Variants in MYO18B observed in about 807,000 individuals in gnomAD.
MYO18B encodes myosin XVIIIB.
Under a neutral mutation model 273.0 loss-of-function variants are expected in MYO18B, and 204 were observed. The ratio of observed to expected loss-of-function variants is 0.75; its 90% CI spans 0.67 to 0.84. MYO18B has a LOEUF of 0.84. MYO18B is among the 40% of genes least tolerant of loss of function. The pLI, the probability that MYO18B is intolerant of heterozygous loss-of-function variation, is 0.00. For missense variants in MYO18B, 3,212 were observed against 3,287.6 expected (o/e 0.98, Z 0.56); for synonymous variants, 1,330 against 1,305.7 (o/e 1.02, Z -0.40).
At chr22:26,003,068 A>G (rs1934108189) in intron 40 of MYO18B, among the ~76,000 whole-genome samples, 197 bp from the exon 41 acceptor site, 1 of 152,132 alleles carries the variant, frequency 6.6e-6, no homozygotes, top group African/African-American at 2.4e-5. Flanking sequence ...ACTCTGCTCC[A>G]CAACAGAGCC....
chr22:25,924,989 C>T (rs573763526), intron 34 of MYO18B, among the ~76,000 whole-genome samples: 1 of 152,192 alleles, frequency 6.6e-6, no homozygotes, highest in African/African-American at 2.4e-5. Flanking sequence ...TATTTTTAAC[C>T]CATTTTACTA....
At chr22:25,919,293 T>A (rs2092306955) in intron 33 of MYO18B, among the ~76,000 whole-genome samples, 1 of 152,210 alleles carries the variant, frequency 6.6e-6, no homozygotes, top group Non-Finnish European at 1.5e-5. Context: ...CTATCTAATG[T>A]TATATTTTAC....
intron 14 of MYO18B, 49 bp downstream of exon 14, chr22:25,826,548 A>T (rs781741153): frequency 2.0e-6 from 3 of 1,505,496 alleles, no homozygotes; most frequent in Non-Finnish European, 2.8e-6. Context: ...GCAGGTGCAC[A>T]GATGAATTCA....
At chr22:25,897,078 T>G (rs1032449192) in intron 28 of MYO18B, 1 of 152,252 alleles carries the variant, frequency 6.6e-6, no homozygotes, top group Non-Finnish European at 1.5e-5. Flanking sequence ...CAACTATTCT[T>G]AAGATCTTAG....
chr22:26,045,360 C>T, the MYO18B span, among the ~76,000 whole-genome samples: 1 of 143,836 alleles, frequency 7.0e-6, no homozygotes, highest in African/African-American at 2.6e-5. Flanking sequence ...GTTAGGAGTA[C>T]AAGATGGTGA....
intron 16 of MYO18B, among the ~76,000 whole-genome samples, chr22:25,834,651 G>A (rs780584409): frequency 2.0e-5 from 3 of 152,146 alleles, no homozygotes; most frequent in Non-Finnish European, 2.9e-5. Context: ...CTCCTTATGG[G>A]CCCTCAGAGA....
the MYO18B span, among the ~76,000 whole-genome samples, chr22:26,055,124 C>T: frequency 6.6e-6 from 1 of 152,284 alleles, no homozygotes; most frequent in African/African-American, 2.4e-5. Flanking sequence ...TTATCTGCAG[C>T]TTCAACCAAA....
intron 11 of MYO18B, among the ~76,000 whole-genome samples, chr22:25,788,899 T>C (rs1398233660): frequency 6.6e-6 from 1 of 152,204 alleles, no homozygotes; most frequent in African/African-American, 2.4e-5. Flanking sequence ...CCTCATCTCC[T>C]TGGGCCTCGA....
the MYO18B span, among the ~76,000 whole-genome samples, chr22:26,058,891 T>C: frequency 1.3e-5 from 2 of 152,158 alleles, no homozygotes; most frequent in Non-Finnish European, 2.9e-5. Context: ...AATTCCTTTA[T>C]AGCAACACTA....
At chr22:25,888,236 G>A (rs2091558907) in intron 25 of MYO18B, among the ~76,000 whole-genome samples, 1 of 152,030 alleles carries the variant, frequency 6.6e-6, no homozygotes, top group Admixed American at 6.6e-5. Flanking sequence ...ATCCTGGTTT[G>A]GGGGTCTGAG....
At position 26,027,521 on chromosome 22, in the gene MYO18B, T is replaced by C; in HGVS notation, c.7547T>C (p.Val2516Ala). The stretch of plus-strand genomic sequence containing the variant: ...TCGTCCTCATCCTCCGGCTCCATCG[T>C]GTCCTTCAAAAGTGCTGACAGCATC... ...SDSSSSSGSI[V>A]SFKSADSIKS... Residue 2516 changes from valine to alanine, a missense_variant, in exon 43 of 44, where the codon GTG becomes GCG. Transcript: ENST00000335473. The surrounding 1 kb of genome is among the most constrained non-coding windows in gnomAD (Gnocchi z 4.1). 1 of 1,613,962 alleles carries C rather than the reference T, an allele frequency of 6.2e-7. No homozygotes were observed. The highest frequency in any genetic ancestry group is 8.5e-7 in the Non-Finnish European group (1 of 1,179,878).
intron 21 of MYO18B, among the ~76,000 whole-genome samples, chr22:25,856,559 T>G (rs2090580392): frequency 1.3e-5 from 2 of 151,608 alleles, no homozygotes. Context: ...GAGGTGAGAG[T>G]GGGGCACTCA....
At chr22:25,961,615 G>A (rs1024335987) in intron 39 of MYO18B, among the ~76,000 whole-genome samples, 5 of 152,264 alleles carry the variant, frequency 3.3e-5, no homozygotes, top group African/African-American at 1.2e-4. Flanking sequence ...TGTATATCCT[G>A]TTGTTTTTCA....
At chr22:25,869,495 AG>A (rs2090990866) in intron 22 of MYO18B, among the ~76,000 whole-genome samples, 1 of 141,998 alleles carries the variant, frequency 7.0e-6, no homozygotes, top group Non-Finnish European at 1.5e-5. Context: ...GGAAGGAAGG[AG>A]GGAGGGAGGG....
chr22:25,768,450 C>A lies in MYO18B; in HGVS notation c.534C>A (p.Cys178Ter), dbSNP rs759928207. Reference protein sequence around the residue: ...EKTHPHDAPPCKTSPPATDTG... With the variant: ...EKTHPHDAPP ...CTCATCCCCATGACGCCCCCCCTTG[C>A]AAGACCTCTCCCCCCGCCACAGATA... The change falls in exon 4 of 44, where the codon TGC becomes TGA. Residue 178 changes from cysteine to a stop codon, truncating the protein, a stop_gained. Transcript: ENST00000335473. LOFTEE classifies it high-confidence loss of function. 5.3e-6 allele frequency: 6 copies of A among 1,139,608 alleles called. No individual in the cohort carries two copies. The highest frequency in any genetic ancestry group is 4.7e-5 in the African/African-American group (3 of 64,294). 70.6% of individuals were successfully genotyped at this position (1,139,608 alleles called of 1,614,324 possible).
intron 22 of MYO18B, 62 bp from the exon 23 acceptor site, chr22:25,874,224 C>T (rs1362931222): frequency 7.1e-6 from 11 of 1,541,636 alleles, no homozygotes; most frequent in Admixed American, 3.6e-5. Flanking sequence ...TTTGCAAGCA[C>T]CCCCCCATTG....
At chr22:26,015,605 G>C (rs1184651410) in intron 42 of MYO18B, among the ~76,000 whole-genome samples, 1 of 152,096 alleles carries the variant, frequency 6.6e-6, no homozygotes, top group Non-Finnish European at 1.5e-5. Context: ...AATTATGAAA[G>C]CACATGGACA....
chr22:25,951,992 G>A (rs1304392184), intron 37 of MYO18B, among the ~76,000 whole-genome samples: 4 of 152,180 alleles, frequency 2.6e-5, no homozygotes, highest in South Asian at 2.1e-4. Context: ...GAGCAGGGAA[G>A]GAGAGAAGGG....
Position 25,908,333 on chromosome 22 carries a change from G to T in MYO18B, c.5160G>T (p.Arg1720=), listed in dbSNP as rs762748484. The T allele has an allele frequency of 6.3e-7, 1 of 1,586,738 alleles. No homozygotes were observed. Among genetic ancestry groups the T allele is most frequent in the Non-Finnish European group, 8.6e-7 (1 of 1,166,716 alleles). ...TGCTGCCCCCGCAGCTCCGCCAGCG[G>T]TTTGAGCTGGAGATCGAGCGGATGA... ...TIKQLEQLRQ[R]FELEIERMKQ... Residue 1720 remains arginine, a synonymous_variant, in exon 32 of 44, where the codon CGG becomes CGT. Coordinates refer to ENST00000335473, the MANE Select transcript of MYO18B (RefSeq NM_032608.7).
Sources: allele counts gnomAD v4.1 joint callset (sites outside exome capture counted in the v4.1 genomes callset), GRCh38; gene constraint gnomAD v4.1.1; non-coding constraint Gnocchi (gnomAD v3.1); transcripts MANE v1.5; gene names NCBI Gene and HGNC (gene_info 2026-07-23, HGNC 2026-07-21).